The following CELF1 variants were observed in gnomAD, a reference collection of about 807,000 sequenced individuals.
CELF1 encodes 50 kDa nuclear polyadenylated RNA-binding protein.
CELF1 carries 10 observed loss-of-function variants against 61.8 expected under a neutral mutation model. That is an observed-to-expected ratio of 0.16 (90% CI 0.10 to 0.27). CELF1 has a LOEUF of 0.27. Ranked by LOEUF, CELF1 falls within the 10% of genes least tolerant of loss-of-function variation. CELF1 has a pLI of 1.00. For synonymous variants in CELF1, 236 were observed against 225.1 expected, an observed-to-expected ratio of 1.05 and a Z score of -0.43; for missense variants, 380 against 639.1, an observed-to-expected ratio of 0.59 and a Z score of 4.37.
chr11:47,476,180 T>TG, intron 12 of CELF1, among the ~76,000 whole-genome samples: 1 of 152,026 alleles, frequency 6.6e-6, no homozygotes, highest in East Asian at 1.9e-4. Flanking sequence ...TTTGTAGAGA[T>TG]GGAGTTCTCA....
rs1565742388 is a variant in CELF1 at position 47,475,420 on chromosome 11, A to G, written c.1189T>C (p.Tyr397His). The change falls in exon 13 of 15, where the codon TAT becomes CAT. Residue 397 changes from tyrosine (Y) to histidine (H), a missense_variant. Tyr to His is a moderately conservative substitution (Grantham distance 83). Coordinates refer to ENST00000687097, the MANE Select transcript of CELF1 (RefSeq NM_001376376.1). ...AGAGTGGGGAGCGCAGCAGCAGCATATTGCTGGATACCCGAGTAGGCCTGA... is the reference window on the plus strand; with the variant it reads ...AGAGTGGGGAGCGCAGCAGCAGCATGTTGCTGGATACCCGAGTAGGCCTGA... The part of the protein sequence containing the change: ...LTQAYSGIQQ[Y>H]AAAALPTLYN... 6.2e-7 allele frequency: 1 copy of G among 1,614,042 alleles called. No individual in the cohort carries two copies. The highest frequency in any genetic ancestry group is 8.5e-7 in the Non-Finnish European group (1 of 1,180,024).
chr11:47,536,446 T>C (rs1040581865), intron 1 of CELF1, among the ~76,000 whole-genome samples: 1 of 152,102 alleles, frequency 6.6e-6, no homozygotes, highest in Non-Finnish European at 1.5e-5. Flanking sequence ...GTAAAGAGGT[T>C]TGCAAAGCTT....
chr11:47,499,551 T>A lies in CELF1; in HGVS notation c.-28A>T. 2 of 1,511,760 alleles carry A rather than the reference T, an allele frequency of 1.3e-6. No homozygotes were observed. The highest frequency in any genetic ancestry group is 1.8e-6 in the Non-Finnish European group (2 of 1,124,872). The allele number at this position is 1,511,760 out of a possible 1,614,324, so 93.6% of individuals were successfully genotyped here. ...CCTCACTCTCCCCTTCAGAAGCCAA[T>A]GATATTAACTTGCTGCACTTGTCTG... On this transcript the variant is annotated 5_prime_UTR_variant, in exon 3 of 15. Coordinates refer to ENST00000687097, the MANE Select transcript of CELF1 (RefSeq NM_001376376.1).
At chr11:47,479,075 A>G (rs2081526150) in intron 9 of CELF1, 123 bp from the exon 10 acceptor site, 1 of 710,534 alleles carries the variant, frequency 1.4e-6, no homozygotes, top group Admixed American at 2.3e-5. Context: ...AGTCAAAGAC[A>G]AGAACCCAAG....
chr11:47,507,375 C>T (rs1048622218), intron 1 of CELF1, among the ~76,000 whole-genome samples: 31 of 151,794 alleles, frequency 2.0e-4, no homozygotes, highest in Non-Finnish European at 3.8e-4. Flanking sequence ...ACATAGGTGC[C>T]GGGCATGAAA....
chr11:47,468,483 A>C lies in CELF1; in HGVS notation c.*3747T>G, dbSNP rs1055873653. 5.2e-5 allele frequency: 8 copies of C among 152,648 alleles called. No homozygotes were observed. The East Asian group carries it at 1.5e-3, about 29-fold the overall frequency. The allele number at this position is 152,648 out of a possible 1,614,324, so 9.5% of individuals were successfully genotyped here. On this transcript the variant is annotated 3_prime_UTR_variant, in exon 15 of 15. Transcript: ENST00000687097. ...ACAGAGAAACAAAGCCTAGAAACGG[A>C]CTGGCTGTGTGTTCACAGAAATACA...
At chr11:47,472,413 A>C (rs2077997613) in intron 14 of CELF1, 56 bp from the exon 15 acceptor site, 2 of 1,585,904 alleles carry the variant, frequency 1.3e-6, no homozygotes, top group African/African-American at 1.3e-5. Flanking sequence ...GGAGATTCTC[A>C]GTCCTCCTTA....
chr11:47,523,787 G>A (rs919551546), intron 1 of CELF1: 1 of 152,292 alleles, frequency 6.6e-6, no homozygotes, highest in Non-Finnish European at 1.5e-5. Context: ...GGAGGGGAGT[G>A]AAAGGAAACT....
chr11:47,504,947 G>A (rs899146867), intron 1 of CELF1, among the ~76,000 whole-genome samples: 2 of 147,962 alleles, frequency 1.4e-5, no homozygotes, highest in African/African-American at 5.0e-5. Flanking sequence ...TAAAATCACT[G>A]TACCAAAAAA....
rs1484754859 is a variant in CELF1, at chr11:47,468,896, A to G, written c.*3334T>C. 6.6e-6 allele frequency: 1 copy of G among 151,204 alleles called. No individual in the cohort carries two copies. The highest frequency in any genetic ancestry group is 1.9e-4 in the East Asian group (1 of 5,142). The allele number at this position is 151,204 out of a possible 1,614,324, so 9.4% of individuals were successfully genotyped here. ...CGATGAACAAACGGCAGGAATCTAG[A>G]AAAAAAAACAAACCAGAAAGAGGGA... is the stretch of plus-strand genomic sequence containing the variant. On this transcript the variant is annotated 3_prime_UTR_variant, in exon 15 of 15. Transcript: ENST00000687097.
rs142205788 is a variant in CELF1 at position 47,472,709 on chromosome 11, C to T, written c.1418-352G>A. Reference sequence around the variant, plus strand: ...CTGGGAACACAGGTACACGCCACCACGTCTGACTAATTTTTTGTAGCCATG... The same window carrying T: ...CTGGGAACACAGGTACACGCCACCATGTCTGACTAATTTTTTGTAGCCATG... On this transcript the variant is annotated intron_variant, in intron 14 of 14. Coordinates refer to ENST00000687097, the MANE Select transcript of CELF1 (RefSeq NM_001376376.1). Among the ~76,000 whole-genome samples, 542 of 152,190 alleles carry T rather than the reference C, an allele frequency of 3.6e-3. 2 individuals carry two copies. Among genetic ancestry groups the T allele is most frequent in the African/African-American group, 0.013 (522 of 41,520 alleles).
chr11:47,486,701 C>T (rs757336777), intron 6 of CELF1, 49 bp downstream of exon 6: 3 of 1,490,592 alleles, frequency 2.0e-6, no homozygotes, highest in South Asian at 2.3e-5. Context: ...AGCCACCGTG[C>T]CTGGCCTAGG....
chr11:47,554,266 C>T (rs1203802792), upstream of CELF1, among the ~76,000 whole-genome samples: 1 of 152,038 alleles, frequency 6.6e-6, no homozygotes, highest in African/African-American at 2.4e-5. Context: ...CCTAATTGTA[C>T]TGGGTAGTTT....
At chr11:47,505,589 G>T (rs1233117079) in intron 1 of CELF1, among the ~76,000 whole-genome samples, 3 of 149,408 alleles carry the variant, frequency 2.0e-5, no homozygotes, top group African/African-American at 7.3e-5. Flanking sequence ...CTTGCAGTGA[G>T]CCGAGATCGT....
At chr11:47,481,216 C>G (rs2083069182) in intron 9 of CELF1, among the ~76,000 whole-genome samples, 1 of 150,254 alleles carries the variant, frequency 6.7e-6, no homozygotes, top group Non-Finnish European at 1.5e-5. Flanking sequence ...CAACCTCCGC[C>G]TCCCAGGTTC....
intron 2 of CELF1, among the ~76,000 whole-genome samples, chr11:47,558,682 ATAT>A (rs1398234665): frequency 2.9e-5 from 3 of 103,924 alleles, no homozygotes; most frequent in African/African-American, 1.2e-4. Context: ...AATATGTAAT[ATAT>A]TATATATAAT....
intron 8 of CELF1, 131 bp from the exon 9 acceptor site, chr11:47,482,987 A>C (rs1596347967): frequency 2.4e-6 from 2 of 836,844 alleles, no homozygotes; most frequent in African/African-American, 1.7e-5. Context: ...CATGATAGAC[A>C]CAAGAGAGAA....
chr11:47,484,788 C>T (rs1029312943), intron 6 of CELF1, among the ~76,000 whole-genome samples: 1 of 152,216 alleles, frequency 6.6e-6, no homozygotes, highest in Non-Finnish European at 1.5e-5. Flanking sequence ...AAGTGATTCT[C>T]CTGCCTCAGC....
chr11:47,481,869 A>G (rs536543896), intron 9 of CELF1, among the ~76,000 whole-genome samples: 1 of 152,206 alleles, frequency 6.6e-6, no homozygotes, highest in African/African-American at 2.4e-5. Flanking sequence ...GTAAACTTGA[A>G]TATACACCTG....
Sources: allele counts gnomAD v4.1 joint callset (sites outside exome capture counted in the v4.1 genomes callset), GRCh38; gene constraint gnomAD v4.1.1; transcripts MANE v1.5; gene names NCBI Gene and HGNC (gene_info 2026-07-23, HGNC 2026-07-21).